R3HDM1: variants seen among roughly 807,000 people sequenced by gnomAD.
The protein encoded by R3HDM1 is R3H domain-containing protein 1.
A neutral mutation model predicts 141.1 loss-of-function variants in R3HDM1; 46 were observed. The ratio of observed to expected loss-of-function variants is 0.33; its 90% CI spans 0.26 to 0.42. The LOEUF (loss-of-function observed/expected upper bound fraction) is 0.42. Among genes scored for constraint, R3HDM1 ranks in the 10% least tolerant of loss-of-function variants. The pLI is 1.00. For missense variants in R3HDM1, 1,184 were observed against 1,368.3 expected (o/e 0.87, Z 2.12); for synonymous variants, 435 against 472.9 (o/e 0.92, Z 1.04).
At chr2:135,536,412 G>C (rs1574352904) in intron 1 of R3HDM1, 1 of 425,644 alleles carries the variant, frequency 2.3e-6, no homozygotes, top group Admixed American at 6.4e-5. Flanking sequence ...CTGCCAAAGT[G>C]CTGGAATTAC....
rs547961063 is a variant in R3HDM1, at chr2:135,646,697, A to G, written c.1623+1170A>G. ...ACCCCCGTCTCTACTAAAAATACAA[A>G]AATTAGTCGGGTGTGGTGGTATGCA... On this transcript the variant is annotated intron_variant, in intron 16 of 26. Coordinates refer to ENST00000683871, the MANE Select transcript of R3HDM1 (RefSeq NM_001378107.1). 8.6e-5 allele frequency among the ~76,000 whole-genome samples: 13 copies of G among 151,634 alleles called. No individual in the cohort carries two copies. In the East Asian group the frequency reaches 2.6e-3, roughly 30 times the overall value.
At chr2:135,664,792 ACC>A (rs2067248399) in intron 19 of R3HDM1, among the ~76,000 whole-genome samples, 3 of 152,238 alleles carry the variant, frequency 2.0e-5, no homozygotes, top group Admixed American at 6.5e-5. Context: ...AACAGAAGAA[ACC>A]CTGGCTACAC....
intron 21 of R3HDM1, among the ~76,000 whole-genome samples, chr2:135,703,029 A>G (rs1223263680): frequency 6.6e-6 from 1 of 152,198 alleles, no homozygotes; most frequent in Admixed American, 6.5e-5. Context: ...TGGTCAGAAT[A>G]TGCCCCATCT....
At chr2:135,582,170 A>C (rs1316992116) in intron 1 of R3HDM1, among the ~76,000 whole-genome samples, 1 of 152,150 alleles carries the variant, frequency 6.6e-6, no homozygotes, top group African/African-American at 2.4e-5. Flanking sequence ...TCTACTAAAA[A>C]TACAAAAAAA....
At chr2:135,670,405 T>A (rs1413972650) in intron 19 of R3HDM1, 2 of 973,164 alleles carry the variant, frequency 2.1e-6, no homozygotes, top group Non-Finnish European at 2.4e-6. Flanking sequence ...ATCAGTTGAG[T>A]TGTTTGATGT....
intron 21 of R3HDM1, among the ~76,000 whole-genome samples, chr2:135,682,281 A>G (rs993833375): frequency 3.3e-5 from 5 of 152,052 alleles, no homozygotes; most frequent in Non-Finnish European, 7.4e-5. Flanking sequence ...AGGCCTGCCT[A>G]CTGGGAAGAG....
intron 21 of R3HDM1, among the ~76,000 whole-genome samples, chr2:135,694,918 A>G (rs918074417): frequency 3.3e-5 from 5 of 152,230 alleles, no homozygotes; most frequent in African/African-American, 1.2e-4. Flanking sequence ...AATCATTTGT[A>G]GTCCTACCAG....
At chr2:135,542,902 A>T (rs1697921418) in intron 1 of R3HDM1, among the ~76,000 whole-genome samples, 1 of 152,072 alleles carries the variant, frequency 6.6e-6, no homozygotes, top group African/African-American at 2.4e-5. Flanking sequence ...CCATGCTGCT[A>T]GTATTTATAT....
intron 3 of R3HDM1, chr2:135,606,769 A>G (rs1342801724): frequency 2.0e-5 from 3 of 151,276 alleles, no homozygotes; most frequent in Non-Finnish European, 4.4e-5. Context: ...AAAAAAAAAA[A>G]AAAGAATTAA....
At chr2:135,584,387 C>A (rs929275140) in intron 1 of R3HDM1, 1 of 940,410 alleles carries the variant, frequency 1.1e-6, no homozygotes, top group Admixed American at 6.2e-5. Flanking sequence ...TGAAAGTTTT[C>A]ATTACCTGAC....
chr2:135,714,015 A>C (rs1338459819), intron 23 of R3HDM1, among the ~76,000 whole-genome samples: 1 of 152,208 alleles, frequency 6.6e-6, no homozygotes, highest in African/African-American at 2.4e-5. Flanking sequence ...AAAGATCACC[A>C]CCAAGAAAAC....
intron 11 of R3HDM1, among the ~76,000 whole-genome samples, 164 bp downstream of exon 11, chr2:135,636,347 A>G (rs2063245253): frequency 6.6e-6 from 1 of 152,182 alleles, no homozygotes; most frequent in Non-Finnish European, 1.5e-5. Flanking sequence ...TGTGTTATTA[A>G]TAGTTTATAA....
At chr2:135,577,157 C>T in intron 1 of R3HDM1, 3 of 981,842 alleles carry the variant, frequency 3.1e-6, no homozygotes, top group Non-Finnish European at 2.4e-6. Context: ...ATGAAAAAGG[C>T]TTTTGGGCTA....
At chr2:135,583,036 T>G (rs2105034574) in intron 1 of R3HDM1, among the ~76,000 whole-genome samples, 1 of 152,314 alleles carries the variant, frequency 6.6e-6, no homozygotes, top group African/African-American at 2.4e-5. Flanking sequence ...TCTCTCTGTG[T>G]GTGTCTCTGT....
rs1475073631 is a variant in R3HDM1 at position 135,649,912 on chromosome 2, C to G, written c.1634C>G (p.Pro545Arg). 2 of 1,267,642 alleles carry G rather than the reference C, an allele frequency of 1.6e-6. No homozygotes were observed. Among genetic ancestry groups the G allele is most frequent in the Non-Finnish European group, 2.1e-6 (2 of 970,080 alleles). 78.5% of individuals were successfully genotyped at this position (1,267,642 alleles called of 1,614,324 possible). A position where few individuals can be genotyped will look rare whatever the true frequency, so the allele number is the denominator to read the frequency against. The change falls in exon 17 of 27, where the codon CCT (proline) becomes CGT (arginine). Residue 545 changes from proline to arginine, a missense_variant. Pro to Arg is a moderately radical substitution (Grantham distance 103). Coordinates refer to ENST00000683871, the MANE Select transcript of R3HDM1 (RefSeq NM_001378107.1). ...CCTGTTATTCTTTAGCCTGTTCATC[C>G]TCTGCAGTCCTCTTCACAGCCTGTT... ...ANHIFSQPVH[P>R]LQSSSQPVQY...
chr2:135,647,995 G>A (rs141762084), intron 16 of R3HDM1, among the ~76,000 whole-genome samples: 136 of 152,132 alleles, frequency 8.9e-4, no homozygotes, highest in African/African-American at 3.0e-3. Context: ...TAATCCCCCA[G>A]CTGACTAAAA....
intron 1 of R3HDM1, chr2:135,577,053 A>G (rs1316900135): frequency 4.1e-5 from 37 of 902,626 alleles, no homozygotes; most frequent in Middle Eastern, 5.7e-4. Flanking sequence ...AGAAAAAAAA[A>G]AAACCTCCAA....
chr2:135,602,390 T>TA (rs2105103837), intron 1 of R3HDM1, 110 bp from the exon 2 acceptor site: 2 of 767,434 alleles, frequency 2.6e-6, no homozygotes, highest in Non-Finnish European at 3.6e-6. Flanking sequence ...TTTAGGAAAA[T>TA]AATGTAATAA....
At chr2:135,539,525 A>G (rs1222725381) in intron 1 of R3HDM1, among the ~76,000 whole-genome samples, 1 of 152,310 alleles carries the variant, frequency 6.6e-6, no homozygotes, top group African/African-American at 2.4e-5. Flanking sequence ...AGCAACTAGA[A>G]TGGATCCCAA....
Sources: gnomAD v4.1 joint callset for allele counts (sites outside exome capture counted in the v4.1 genomes callset) on GRCh38, gnomAD v4.1.1 for gene constraint, MANE v1.5 for transcripts, NCBI Gene and HGNC (gene_info 2026-07-23, HGNC 2026-07-21) for gene names.